Variants in ZNF407 observed in about 807,000 individuals in gnomAD.
ZNF407 encodes zinc finger protein 407.
A neutral mutation model predicts 131.2 loss-of-function variants in ZNF407; 17 were observed. That is an observed-to-expected ratio of 0.13 (90% CI 0.09 to 0.19). ZNF407 has a LOEUF of 0.19. Among genes scored for constraint, ZNF407 ranks in the 10% least tolerant of loss-of-function variants. ZNF407 has a pLI of 1.00. For missense variants in ZNF407, 2,681 were observed against 2,830.6 expected (o/e 0.95, Z 1.20); for synonymous variants, 1,156 against 1,062.0 (o/e 1.09, Z -1.72).
intron 8 of ZNF407, among the ~76,000 whole-genome samples, chr18:74,961,327 CGGTGACCTAGCAGATCAT>C (rs1273955771): frequency 6.6e-5 from 10 of 152,288 alleles, no homozygotes; most frequent in South Asian, 2.1e-4. Flanking sequence ...TCCAAGATCA[CGGTGACCTAGCAGATCAT>C]GGTGACCTAG....
At chr18:75,045,277 A>G (rs1973421959) in intron 8 of ZNF407, among the ~76,000 whole-genome samples, 1 of 152,222 alleles carries the variant, frequency 6.6e-6, no homozygotes, top group Non-Finnish European at 1.5e-5. Flanking sequence ...AACTGGTGGT[A>G]AGTTATTCAT....
At chr18:74,921,510 A>C (rs1971846098) in intron 8 of ZNF407, among the ~76,000 whole-genome samples, 1 of 152,192 alleles carries the variant, frequency 6.6e-6, no homozygotes, top group Non-Finnish European at 1.5e-5. Context: ...TGCTTTAAGC[A>C]GATGTTTTGG....
chr18:74,951,322 G>A (rs1477057501), intron 8 of ZNF407, among the ~76,000 whole-genome samples: 1 of 152,218 alleles, frequency 6.6e-6, no homozygotes, highest in African/African-American at 2.4e-5. Context: ...CCCTTGGTGT[G>A]GGGCCAAGCC....
chr18:74,687,857 A>AT (rs1599070117), intron 3 of ZNF407, among the ~76,000 whole-genome samples: 1 of 152,090 alleles, frequency 6.6e-6, no homozygotes. Context: ...CATGAAAATG[A>AT]TTTTTTTACC....
At chr18:74,900,313 G>T (rs566157531) in intron 7 of ZNF407, among the ~76,000 whole-genome samples, 6 of 152,106 alleles carry the variant, frequency 3.9e-5, no homozygotes, top group Non-Finnish European at 8.8e-5. Context: ...ATGTGGCTGC[G>T]ATAAGAACTT....
intron 8 of ZNF407, among the ~76,000 whole-genome samples, chr18:74,926,867 C>T (rs1443391872): frequency 6.6e-6 from 1 of 152,092 alleles, no homozygotes; most frequent in Admixed American, 6.5e-5. Flanking sequence ...TAACTATATG[C>T]CAGTATTCTT....
At chr18:74,669,415 G>T (rs147903796) in intron 3 of ZNF407, among the ~76,000 whole-genome samples, 1 of 152,048 alleles carries the variant, frequency 6.6e-6, no homozygotes, top group African/African-American at 2.4e-5. Context: ...CACTACCAGC[G>T]GTGGTGGGAA....
chr18:74,750,973 T>C (rs1968787507), intron 3 of ZNF407, among the ~76,000 whole-genome samples: 1 of 152,198 alleles, frequency 6.6e-6, no homozygotes, highest in African/African-American at 2.4e-5. Flanking sequence ...TATTGCCTAT[T>C]TTATATATTT....
chr18:74,904,420 C>T (rs945588265), intron 7 of ZNF407, among the ~76,000 whole-genome samples: 15 of 152,102 alleles, frequency 9.9e-5, no homozygotes, highest in Non-Finnish European at 5.9e-5. Flanking sequence ...GGGAGAAATC[C>T]AGGTTCTCCA....
intron 8 of ZNF407, among the ~76,000 whole-genome samples, chr18:74,949,885 C>A (rs565755193): frequency 3.9e-5 from 6 of 152,142 alleles, no homozygotes; most frequent in Non-Finnish European, 5.9e-5. Context: ...ATGACCTAGT[C>A]CCTCTTGGAT....
At chr18:75,028,885 AT>A (rs1476269076) in intron 8 of ZNF407, among the ~76,000 whole-genome samples, 1 of 152,204 alleles carries the variant, frequency 6.6e-6, no homozygotes, top group Non-Finnish European at 1.5e-5. Context: ...AACATGGATG[AT>A]TTATACGTGA....
At chr18:74,953,866 G>C (rs1332993080) in intron 8 of ZNF407, among the ~76,000 whole-genome samples, 3 of 152,188 alleles carry the variant, frequency 2.0e-5, no homozygotes, top group Non-Finnish European at 4.4e-5. Context: ...GTCCATTAGG[G>C]AACTGTGGCT....
At chr18:75,046,466 C>T (rs376694259) in intron 8 of ZNF407, among the ~76,000 whole-genome samples, 9 of 152,200 alleles carry the variant, frequency 5.9e-5, no homozygotes, top group African/African-American at 1.2e-4. Context: ...TTTTAGCCAA[C>T]GCTGCTTCAC....
chr18:75,050,375 G>A (rs1237796516), intron 8 of ZNF407, among the ~76,000 whole-genome samples: 2 of 152,206 alleles, frequency 1.3e-5, no homozygotes, highest in African/African-American at 4.8e-5. Flanking sequence ...ATTATGAAAA[G>A]TCTAAAATTT....
At chr18:74,717,138 AT>A (rs1363691715) in intron 3 of ZNF407, among the ~76,000 whole-genome samples, 5 of 152,214 alleles carry the variant, frequency 3.3e-5, no homozygotes, top group Non-Finnish European at 7.3e-5. Flanking sequence ...GGCCCAGGTG[AT>A]TCTGACCTAG....
intron 4 of ZNF407, among the ~76,000 whole-genome samples, chr18:74,868,414 T>A (rs780670731): frequency 3.9e-5 from 6 of 152,168 alleles, no homozygotes; most frequent in Non-Finnish European, 7.3e-5. Flanking sequence ...TAGAAAATTA[T>A]AGTTAAATAA....
chr18:75,035,178 T>C (rs1201034063), intron 8 of ZNF407, among the ~76,000 whole-genome samples: 1 of 152,216 alleles, frequency 6.6e-6, no homozygotes, highest in Non-Finnish European at 1.5e-5. Flanking sequence ...TGCATGTGTT[T>C]TGCATCTTCC....
chr18:74,835,748 C>G (rs1176414483), intron 4 of ZNF407, among the ~76,000 whole-genome samples: 1 of 151,322 alleles, frequency 6.6e-6, no homozygotes, highest in Non-Finnish European at 1.5e-5. Flanking sequence ...TTTGCTCAAC[C>G]AATATTTAAT....
At chr18:74,988,876 T>G (rs1972685105) in intron 8 of ZNF407, among the ~76,000 whole-genome samples, 1 of 151,858 alleles carries the variant, frequency 6.6e-6, no homozygotes, top group South Asian at 2.1e-4. Flanking sequence ...CTGGGGAGAG[T>G]GTGAAATGGT....
Sources: allele counts gnomAD v4.1 joint callset (sites outside exome capture counted in the v4.1 genomes callset), GRCh38; gene constraint gnomAD v4.1.1; transcripts MANE v1.5; gene names NCBI Gene and HGNC (gene_info 2026-07-23, HGNC 2026-07-21).